TANC2: variants seen among roughly 807,000 people sequenced by gnomAD.
TANC2 encodes tetratricopeptide repeat, ankyrin repeat and coiled-coil containing 2.
TANC2 carries 26 observed loss-of-function variants against 210.5 expected under a neutral mutation model. That is an observed-to-expected ratio of 0.12 (90% confidence interval 0.09 to 0.17). The LOEUF is 0.17. Ranked by LOEUF, TANC2 falls within the 10% of genes least tolerant of loss-of-function variation. The probability of loss-of-function intolerance (pLI) is 1.00; values close to 1 mark genes in which losing one functional copy is unlikely to be tolerated. For synonymous variants in TANC2, 931 were observed against 967.1 expected (o/e 0.96, Z 0.69); for missense variants, 2,129 against 2,608.9 (o/e 0.82, Z 4.01).
chr17:62,972,565 GC>G (rs1272648606), intron 1 of TANC2, among the ~76,000 whole-genome samples: 1 of 152,010 alleles, frequency 6.6e-6, no homozygotes, highest in Non-Finnish European at 1.5e-5. Context: ...TGTCAACTTT[GC>G]CTACATTTCT....
chr17:62,966,351 C>T lies in TANC2; in HGVS notation c.-422C>T, dbSNP rs1240090584. On this transcript the variant is annotated 5_prime_UTR_variant, in exon 1 of 28. Coordinates refer to ENST00000689528, the Ensembl canonical transcript of TANC2. The surrounding 1 kb of genome is among the most constrained non-coding windows in gnomAD (Gnocchi z 5.1). ...CGCCCGGCGGGGGAAGCTGCGAGCG[C>T]TCCGAGCGCCCGGCCTAGGGCCGCT... 1.4e-5 allele frequency among the ~76,000 whole-genome samples: 2 copies of T among 146,992 alleles called. No homozygotes were observed. Among genetic ancestry groups the T allele is most frequent in the Non-Finnish European group, 3.0e-5 (2 of 66,046 alleles).
intron 17 of TANC2, among the ~76,000 whole-genome samples, chr17:63,392,958 A>T (rs1399123422): frequency 6.6e-6 from 1 of 152,190 alleles, no homozygotes; most frequent in African/African-American, 2.4e-5. Context: ...AAAACCAGGA[A>T]AGTAATTTGG....
intron 1 of TANC2, among the ~76,000 whole-genome samples, chr17:62,995,913 G>T (rs1333599440): frequency 6.6e-6 from 1 of 152,206 alleles, no homozygotes; most frequent in Non-Finnish European, 1.5e-5. Context: ...AACAGTGATA[G>T]CACTGCTGTA....
At chr17:63,252,695 A>G (rs964597100) in intron 8 of TANC2, among the ~76,000 whole-genome samples, 11 of 152,130 alleles carry the variant, frequency 7.2e-5, no homozygotes, top group African/African-American at 2.7e-4. Context: ...CTCTGGTTCT[A>G]TCCATGTTGC....
intron 11 of TANC2, among the ~76,000 whole-genome samples, chr17:63,336,442 G>A (rs758578182): frequency 1.3e-5 from 2 of 152,184 alleles, no homozygotes; most frequent in South Asian, 4.1e-4. Context: ...GTGACTCAAC[G>A]CAAGCGTGAC....
intron 9 of TANC2, among the ~76,000 whole-genome samples, chr17:63,281,665 C>T (rs1014648061): frequency 1.3e-5 from 2 of 152,028 alleles, no homozygotes; most frequent in African/African-American, 4.8e-5. Flanking sequence ...CCCAAAAATT[C>T]AGGTCCACCC....
exon 28 of TANC2, chr17:63,423,371 G>C (rs1382545237): frequency 6.6e-6 from 1 of 152,116 alleles, no homozygotes; most frequent in Non-Finnish European, 1.5e-5. Context: ...GCTGACCTTT[G>C]AGTGAGCGAG....
At chr17:62,975,955 CTTTG>C (rs1303461140) in intron 1 of TANC2, among the ~76,000 whole-genome samples, 4 of 152,078 alleles carry the variant, frequency 2.6e-5, no homozygotes, top group South Asian at 2.1e-4. Flanking sequence ...TCCAGCTTTT[CTTTG>C]TTATCTTGTC....
intron 3 of TANC2, among the ~76,000 whole-genome samples, chr17:63,090,671 T>C (rs2037152516): frequency 6.6e-6 from 1 of 152,194 alleles, no homozygotes; most frequent in Non-Finnish European, 1.5e-5. Flanking sequence ...TAAACATACG[T>C]GCGCATGTGT....
intron 9 of TANC2, among the ~76,000 whole-genome samples, chr17:63,279,332 A>G (rs1020847790): frequency 6.6e-6 from 1 of 152,172 alleles, no homozygotes. Flanking sequence ...GCTAATAACT[A>G]CATTATCATG....
chr17:63,201,367 A>G (rs1392464366), intron 7 of TANC2, among the ~76,000 whole-genome samples: 1 of 152,184 alleles, frequency 6.6e-6, no homozygotes, highest in South Asian at 2.1e-4. Context: ...TTCTGGGTCT[A>G]TTTGTGCAAA....
chr17:63,154,916 C>A (rs1011352591), intron 5 of TANC2: 2 of 152,032 alleles, frequency 1.3e-5, no homozygotes, highest in African/African-American at 4.8e-5. Flanking sequence ...TATATAGATA[C>A]ATGAATATAT....
At chr17:63,065,916 G>A (rs1262995250) in intron 2 of TANC2, among the ~76,000 whole-genome samples, 1 of 151,974 alleles carries the variant, frequency 6.6e-6, no homozygotes, top group Admixed American at 6.6e-5. Context: ...TTTGAGACAG[G>A]GTCTTGCTCT....
At chr17:63,149,866 C>T (rs1394538661) in intron 4 of TANC2, 2 of 152,092 alleles carry the variant, frequency 1.3e-5, no homozygotes, top group African/African-American at 4.8e-5. Flanking sequence ...ACTGTTAGGA[C>T]TCTTAATGTT....
chr17:63,233,683 CTGT>C lies in TANC2; in HGVS notation c.770-4123_770-4121del, dbSNP rs752483545. 2.2e-4 allele frequency among the ~76,000 whole-genome samples: 34 copies of C among 152,254 alleles called. 1 individual carries two copies. Among genetic ancestry groups the C allele is most frequent in the Admixed American group, 1.9e-3 (29 of 15,280 alleles). On this transcript the variant is annotated intron_variant, in intron 7 of 27. Coordinates refer to ENST00000689528, the Ensembl canonical transcript of TANC2. The stretch of plus-strand genomic sequence containing the variant: ...CGTCAGCCATCTTGGCCCCTCCGGC[CTGT>C]TGTTGTTTTTTAGAGAGCCAAGATG...
chr17:63,058,612 A>G (rs945099563), intron 2 of TANC2, among the ~76,000 whole-genome samples: 1 of 152,158 alleles, frequency 6.6e-6, no homozygotes, highest in Non-Finnish European at 1.5e-5. Context: ...GGTGTAAGGA[A>G]GGGGTCCAGT....
chr17:63,117,396 GCT>G (rs957921188), intron 4 of TANC2, among the ~76,000 whole-genome samples: 1 of 152,138 alleles, frequency 6.6e-6, no homozygotes, highest in Non-Finnish European at 1.5e-5. Context: ...GAAAGGACAA[GCT>G]TATGTCAACC....
At chr17:63,044,383 A>G (rs1413262529) in intron 2 of TANC2, among the ~76,000 whole-genome samples, 1 of 152,154 alleles carries the variant, frequency 6.6e-6, no homozygotes, top group Non-Finnish European at 1.5e-5. Flanking sequence ...TCATTCTGCA[A>G]CTTGCTTTTT....
intron 11 of TANC2, among the ~76,000 whole-genome samples, chr17:63,329,490 G>A (rs1018602785): frequency 6.6e-6 from 1 of 152,172 alleles, no homozygotes; most frequent in Non-Finnish European, 1.5e-5. Context: ...CTATTCTGTT[G>A]TCAAGGCTGT....
Sources: gnomAD v4.1 joint callset for allele counts (sites outside exome capture counted in the v4.1 genomes callset) on GRCh38, gnomAD v4.1.1 for gene constraint, Gnocchi (gnomAD v3.1) non-coding constraint, MANE v1.5 for transcripts, NCBI Gene and HGNC (gene_info 2026-07-23, HGNC 2026-07-21) for gene names.